Variants in GAN observed in about 807,000 individuals in gnomAD.
GAN encodes gigaxonin, also known as epididymis secretory sperm binding protein.
In GAN, 48 loss-of-function variants were observed where a neutral mutation model predicts 71.3. The observed-to-expected ratio is 0.67, with a 90% confidence interval of 0.53 to 0.86. GAN has a LOEUF of 0.86. Among genes scored for constraint, GAN ranks in the 40% least tolerant of loss-of-function variants. GAN has a pLI of 0.00. For synonymous variants in GAN, 386 were observed against 276.8 expected (o/e 1.39, Z -3.92); for missense variants, 928 against 770.1 (o/e 1.21, Z -2.43).
chr16:81,379,355 C>T lies in GAN; in HGVS notation c.*1759C>T, dbSNP rs534053875. 2 of 152,278 alleles carry T rather than the reference C, an allele frequency of 1.3e-5. No individual in the cohort carries two copies. Among genetic ancestry groups the T allele is most frequent in the Admixed American group, 1.3e-4 (2 of 15,294 alleles). The allele number at this position is 152,278 out of a possible 1,614,324, so 9.4% of individuals were successfully genotyped here. On this transcript the variant is annotated 3_prime_UTR_variant, in exon 11 of 11. Transcript: ENST00000648994. ...TGTTGAGTGTGGTACATTAACTCTC[C>T]ATTTTAGCCAGAAGATACCTGATAA...
Position 81,382,411 on chromosome 16 carries a change from C to G in GAN, c.*4815C>G, listed in dbSNP as rs2150701748. On this transcript the variant is annotated 3_prime_UTR_variant, in exon 11 of 11. Transcript: ENST00000648994. The stretch of plus-strand genomic sequence containing the variant: ...ATCTTTGATTTTCTTTGTTAGTTAG[C>G]TATAGGAAGGTTAAGAATTTATTTA... 6.6e-6 allele frequency: 1 copy of G among 152,260 alleles called. No individual in the cohort carries two copies. Among genetic ancestry groups the G allele is most frequent in the South Asian group, 2.1e-4 (1 of 4,824 alleles). 9.4% of individuals were successfully genotyped at this position (152,260 alleles called of 1,614,324 possible). A position where few individuals can be genotyped will look rare whatever the true frequency, so the allele number is the denominator to read the frequency against.
rs1173116721 is a variant in GAN at position 81,382,876 on chromosome 16, A to G, written c.*5280A>G. The G allele has an allele frequency of 6.6e-6, 1 of 152,212 alleles. No individual in the cohort carries two copies. The highest frequency in any genetic ancestry group is 2.4e-5 in the African/African-American group (1 of 41,460). 9.4% of individuals were successfully genotyped at this position (152,212 alleles called of 1,614,324 possible). A position where few individuals can be genotyped will look rare whatever the true frequency, so the allele number is the denominator to read the frequency against. On this transcript the variant is annotated 3_prime_UTR_variant, in exon 11 of 11. Coordinates refer to ENST00000648994, the MANE Select transcript of GAN (RefSeq NM_022041.4). Reference sequence around the variant, plus strand: ...CATATTTCAATATTGTCTCATTGTAATAGTTCCATTTATGTGACATCTGAG... The same window carrying G: ...CATATTTCAATATTGTCTCATTGTAGTAGTTCCATTTATGTGACATCTGAG...
In GAN at chr16:81,380,005, T is replaced by C. The variant is rs1163436052; in HGVS notation, c.*2409T>C. The C allele has an allele frequency of 2.0e-5, 3 of 152,576 alleles. No homozygotes were observed. The highest frequency in any genetic ancestry group is 4.4e-5 in the Non-Finnish European group (3 of 68,030). 9.5% of individuals were successfully genotyped at this position (152,576 alleles called of 1,614,324 possible). On this transcript the variant is annotated 3_prime_UTR_variant, in exon 11 of 11. Transcript: ENST00000648994. ...AATAAATTTGCCACATAATATGGGATGCAATAACCAACAAAGCTGCTAAGT... is the reference window on the plus strand; with the variant it reads ...AATAAATTTGCCACATAATATGGGACGCAATAACCAACAAAGCTGCTAAGT...
chr16:81,359,981 A>G (rs866633344), intron 5 of GAN, among the ~76,000 whole-genome samples: 34 of 152,110 alleles, frequency 2.2e-4, no homozygotes, highest in African/African-American at 7.2e-4. Flanking sequence ...AGGGGTAGCT[A>G]CTATATACAC....
Position 81,381,732 on chromosome 16 carries a change from A to C in GAN, c.*4136A>C, listed in dbSNP as rs149637833. The C allele has an allele frequency of 1.3e-3, 191 of 152,380 alleles. No homozygotes were observed. Among genetic ancestry groups the C allele is most frequent in the African/African-American group, 4.4e-3 (183 of 41,600 alleles). The allele number at this position is 152,380 out of a possible 1,614,324, so 9.4% of individuals were successfully genotyped here. On this transcript the variant is annotated 3_prime_UTR_variant, in exon 11 of 11. Transcript: ENST00000648994. ...CAGTGCTTGCACAGAGTAGGTAGGC[A>C]ATAAACATTTGACAAATAAATATAA...
chr16:81,362,381 C>T, intron 5 of GAN, 118 bp from the exon 6 acceptor site: 1 of 716,426 alleles, frequency 1.4e-6, no homozygotes, highest in Non-Finnish European at 2.6e-6. Flanking sequence ...GCCCTGAATC[C>T]AAAGAGAACA....
At position 81,354,412 on chromosome 16, in the gene GAN, T is replaced by C; in HGVS notation, c.290T>C (p.Leu97Pro). Residue 97 changes from leucine to proline, a missense_variant, in exon 3 of 11, where the codon CTA becomes CCA. Coordinates refer to ENST00000648994, the MANE Select transcript of GAN (RefSeq NM_022041.4). ...LDYIFSGQIRLNEDTIQDVVQ... is the reference protein window; with the variant it reads ...LDYIFSGQIRPNEDTIQDVVQ... ...ATTATGCTACTTTTTTAGATCAGGC[T>C]AAATGAAGATACAATCCAAGATGTT... 1 of 1,604,320 alleles carries C rather than the reference T, an allele frequency of 6.2e-7. No homozygotes were observed. Among genetic ancestry groups the C allele is most frequent in the Non-Finnish European group, 8.5e-7 (1 of 1,171,066 alleles).
At chr16:81,331,779 A>G (rs1430839404) in intron 1 of GAN, among the ~76,000 whole-genome samples, 1 of 152,256 alleles carries the variant, frequency 6.6e-6, no homozygotes, top group African/African-American at 2.4e-5. Context: ...TTATTTGGGA[A>G]GCAAGAATTA....
At chr16:81,363,049 C>T (rs1026589391) in intron 6 of GAN, among the ~76,000 whole-genome samples, 1 of 152,224 alleles carries the variant, frequency 6.6e-6, no homozygotes, top group African/African-American at 2.4e-5. Flanking sequence ...TCATTTTCAG[C>T]ACTAGAATCG....
rs747291494 is a variant in GAN, at chr16:81,357,003, G to A, written c.851+1G>A. The A allele has an allele frequency of 1.1e-5, 17 of 1,573,746 alleles. No individual in the cohort carries two copies. The Admixed American group carries it at 2.8e-4, about 26-fold the overall frequency. On this transcript the variant is annotated splice_donor_variant, in intron 4 of 10. Coordinates refer to ENST00000648994, the MANE Select transcript of GAN (RefSeq NM_022041.4). LOFTEE classifies it high-confidence loss of function. ...TGACTGTTGGTGGAGAAGAGAGAGT[G>A]TAAGTATGAGGTGGGACTTGTTTGA...
intron 1 of GAN, among the ~76,000 whole-genome samples, chr16:81,326,288 C>T (rs1909383536): frequency 6.6e-6 from 1 of 151,232 alleles, no homozygotes; most frequent in African/African-American, 2.4e-5. Context: ...GAGGCTGAAG[C>T]GGGCAGATCA....
At chr16:81,316,137 T>A (rs1238240559) in intron 1 of GAN, among the ~76,000 whole-genome samples, 1 of 152,222 alleles carries the variant, frequency 6.6e-6, no homozygotes, top group Non-Finnish European at 1.5e-5. Context: ...TATCAGATCT[T>A]GCAGGAGACT....
chr16:81,332,655 G>T (rs946264768), intron 1 of GAN, among the ~76,000 whole-genome samples: 1 of 152,306 alleles, frequency 6.6e-6, no homozygotes, highest in East Asian at 1.9e-4. Context: ...CACAGTGCTT[G>T]CAACTGCCAT....
In GAN at chr16:81,383,863, A is replaced by G. The variant is rs1015833993; in HGVS notation, c.*6267A>G. ...GCCATTTCAAATCATTCACATCCCA[A>G]ACGGAGGTTCATCTGTCTTCTGGTT... On this transcript the variant is annotated 3_prime_UTR_variant, in exon 11 of 11. Coordinates refer to ENST00000648994, the MANE Select transcript of GAN (RefSeq NM_022041.4). 2 of 152,040 alleles carry G rather than the reference A, an allele frequency of 1.3e-5. No homozygotes were observed. The highest frequency in any genetic ancestry group is 2.9e-5 in the Non-Finnish European group (2 of 68,012). 9.4% of individuals were successfully genotyped at this position (152,040 alleles called of 1,614,324 possible).
chr16:81,343,640 G>A (rs1397545135), intron 1 of GAN, among the ~76,000 whole-genome samples: 1 of 152,112 alleles, frequency 6.6e-6, no homozygotes, highest in African/African-American at 2.4e-5. Context: ...ACCTATTTAC[G>A]ACAAACCCAG....
intron 5 of GAN, among the ~76,000 whole-genome samples, chr16:81,359,291 A>T (rs545013103): frequency 6.6e-6 from 1 of 152,136 alleles, no homozygotes; most frequent in Non-Finnish European, 1.5e-5. Flanking sequence ...AAAGTTTGCT[A>T]GAGGGATTGG....
intron 1 of GAN, among the ~76,000 whole-genome samples, chr16:81,325,680 C>T (rs146747236): frequency 3.9e-5 from 6 of 151,970 alleles, no homozygotes; most frequent in Admixed American, 6.6e-5. Context: ...TGGTGGGTCT[C>T]CAGAATTAAG....
intron 1 of GAN, among the ~76,000 whole-genome samples, chr16:81,319,780 C>G (rs1017544765): frequency 2.6e-5 from 4 of 152,114 alleles, no homozygotes; most frequent in African/African-American, 9.7e-5. Context: ...CAAATCCAGC[C>G]TAGGTCATCA....
chr16:81,330,139 C>A (rs540853075), intron 1 of GAN, among the ~76,000 whole-genome samples: 3 of 152,258 alleles, frequency 2.0e-5, no homozygotes, highest in Non-Finnish European at 2.9e-5. Flanking sequence ...CAAGTGCCAG[C>A]TTTCATCAGT....
Sources: allele counts gnomAD v4.1 joint callset (sites outside exome capture counted in the v4.1 genomes callset), GRCh38; gene constraint gnomAD v4.1.1; transcripts MANE v1.5; gene names NCBI Gene and HGNC (gene_info 2026-07-23, HGNC 2026-07-21).